The following SNAPC4 variants were observed in gnomAD, a reference collection of about 807,000 sequenced individuals.
SNAPC4 encodes the protein small nuclear RNA activating complex polypeptide 4.
In SNAPC4, 127 loss-of-function variants were observed where a neutral mutation model predicts 151.3. The observed-to-expected ratio is 0.84, with a 90% CI of 0.73 to 0.97. The LOEUF is 0.97. SNAPC4 is among the 50% of genes least tolerant of loss of function. SNAPC4 has a pLI of 0.00. For missense variants in SNAPC4, 2,186 were observed against 1,935.0 expected, an observed-to-expected ratio of 1.13 and a Z score of -2.43; for synonymous variants, 1,002 against 824.4, an observed-to-expected ratio of 1.22 and a Z score of -3.69.
intron 20 of SNAPC4, 48 bp from the exon 21 acceptor site, chr9:136,379,912 G>A (rs756496217): frequency 1.4e-4 from 228 of 1,578,192 alleles, no homozygotes; most frequent in Non-Finnish European, 1.9e-4. Context: ...TCCTCTGCTG[G>A]CTTGGACCAC....
intron 3 of SNAPC4, 75 bp downstream of exon 3, chr9:136,396,902 G>GC: frequency 3.4e-6 from 4 of 1,164,614 alleles, no homozygotes; most frequent in Middle Eastern, 1.9e-4. Context: ...TTCAAACCAC[G>GC]CCCCCTCCCA....
Position 136,391,998 on chromosome 9 carries a change from C to T in SNAPC4, c.919G>A (p.Ala307Thr), listed in dbSNP as rs1404525580. 3 of 1,610,078 alleles carry T rather than the reference C, an allele frequency of 1.9e-6. No homozygotes were observed. The highest frequency in any genetic ancestry group is 2.2e-5 in the East Asian group (1 of 44,860). ...WSREEEERLQ[A>T]IAAAHGHLEW... Reference sequence around the variant, plus strand: ...AGGTGGCCGTGTGCAGCCGCGATCGCCTGCAGCCGCTCCTCCTCCTCCCTG... The same window carrying T: ...AGGTGGCCGTGTGCAGCCGCGATCGTCTGCAGCCGCTCCTCCTCCTCCCTG... The change falls in exon 10 of 24, where the codon GCG becomes ACG. Residue 307 changes from alanine (A) to threonine (T), a missense_variant. Transcript: ENST00000684778.
At position 136,378,243 on chromosome 9, in the gene SNAPC4, G is replaced by A. The variant is rs757366869; in HGVS notation, c.3584C>T (p.Pro1195Leu). 6 of 1,609,880 alleles carry A rather than the reference G, an allele frequency of 3.7e-6. No individual in the cohort carries two copies. The highest frequency in any genetic ancestry group is 1.3e-5 in the African/African-American group (1 of 75,018). Residue 1195 changes from proline (P) to leucine (L), a missense_variant, in exon 22 of 24, where the codon CCT becomes CTT. Pro to Leu is a moderately conservative substitution (Grantham distance 98). Coordinates refer to ENST00000684778, the MANE Select transcript of SNAPC4 (RefSeq NM_003086.4). ...GGACCAAGGGGGTTCTGCTTCAGGA[G>A]GGTCAGCGTGGGAGGACGTCCTGGG... is the stretch of plus-strand genomic sequence containing the variant. ...PEPRTSSHADPPEAEPPWSGR... is the reference protein window; with the variant it reads ...PEPRTSSHADLPEAEPPWSGR...
At chr9:136,388,314 T>C (rs1833958783) in intron 11 of SNAPC4, 130 bp downstream of exon 11, 1 of 850,926 alleles carries the variant, frequency 1.2e-6, no homozygotes, top group Non-Finnish European at 1.7e-6. Context: ...AAGCGAACTG[T>C]GGAACAGCCA....
intron 20 of SNAPC4, 130 bp downstream of exon 20, chr9:136,380,610 G>A: frequency 3.2e-6 from 2 of 616,534 alleles, no homozygotes; most frequent in East Asian, 5.5e-5. Context: ...CCCTCAGGTG[G>A]GAAGTGCAGA....
intron 7 of SNAPC4, among the ~76,000 whole-genome samples, chr9:136,393,621 T>C (rs1325603978): frequency 2.6e-5 from 4 of 151,984 alleles, no homozygotes; most frequent in East Asian, 1.9e-4. Flanking sequence ...ACCACACCCC[T>C]CATCATGGCC....
chr9:136,383,884 T>C lies in SNAPC4; in HGVS notation c.1500+69A>G. The C allele has an allele frequency of 1.8e-6, 2 of 1,101,288 alleles. No homozygotes were observed. The highest frequency in any genetic ancestry group is 1.7e-5 in the Admixed American group (1 of 57,892). 68.2% of individuals were successfully genotyped at this position (1,101,288 alleles called of 1,614,324 possible). A position where few individuals can be genotyped will look rare whatever the true frequency, so the allele number is the denominator to read the frequency against. The stretch of plus-strand genomic sequence containing the variant: ...ACGCCCCCCTCCCCTCCCCTCCTCC[T>C]GCCTGCTGGACCCCCCAGTTGACCA... On this transcript the variant is annotated intron_variant, in intron 15 of 23. Coordinates refer to ENST00000684778, the MANE Select transcript of SNAPC4 (RefSeq NM_003086.4). This position sits in a 1 kb window ranked among gnomAD's most constrained non-coding sequence, Gnocchi z 4.2.
chr9:136,398,004 G>A (rs1309777898), intron 2 of SNAPC4, among the ~76,000 whole-genome samples: 2 of 152,108 alleles, frequency 1.3e-5, no homozygotes, highest in Non-Finnish European at 2.9e-5. Context: ...TCTCTGGCTG[G>A]AGTACAGAAA....
chr9:136,382,176 T>G, intron 17 of SNAPC4, 77 bp downstream of exon 17: 1 of 1,589,922 alleles, frequency 6.3e-7, no homozygotes, highest in Non-Finnish European at 8.6e-7. Context: ...CAGGGCATGA[T>G]CGACGGGGAG....
At position 136,392,788 on chromosome 9, in the gene SNAPC4, G is replaced by A. The variant is rs984325422; in HGVS notation, c.633-11C>T. ...TGCAAGTACTCGAGCCTGCAAAGCA[G>A]AGCAGAGGCAGAAGGGCTGGGGCAC... On this transcript the variant is annotated splice_polypyrimidine_tract_variant and intron_variant, in intron 7 of 23. Transcript: ENST00000684778. 1 of 1,612,184 alleles carries A rather than the reference G, an allele frequency of 6.2e-7. No individual in the cohort carries two copies. The highest frequency in any genetic ancestry group is 8.5e-7 in the Non-Finnish European group (1 of 1,179,086).
intron 21 of SNAPC4, 151 bp downstream of exon 21, chr9:136,379,686 C>G: frequency 1.3e-6 from 1 of 773,454 alleles, no homozygotes; most frequent in Non-Finnish European, 2.2e-6. Context: ...GGACTCTCAT[C>G]CCTGTGGTGG....
intron 2 of SNAPC4, 68 bp downstream of exon 2, chr9:136,398,231 A>G (rs1834340934): frequency 4.6e-6 from 7 of 1,522,766 alleles, no homozygotes; most frequent in Non-Finnish European, 6.2e-6. Context: ...AATGTGCCTG[A>G]GAGGAACCCA....
Position 136,380,831 on chromosome 9 carries a change from G to A in SNAPC4, c.2408C>T (p.Ala803Val). The A allele has an allele frequency of 6.2e-7, 1 of 1,608,792 alleles. No individual in the cohort carries two copies. The highest frequency in any genetic ancestry group is 8.5e-7 in the Non-Finnish European group (1 of 1,176,190). Reference sequence around the variant, plus strand: ...CTCTCGGACGACCTCCAAGCAGCCGGCAGTATCGATGTGGAACAGCTGCGG... The same window carrying A: ...CTCTCGGACGACCTCCAAGCAGCCGACAGTATCGATGTGGAACAGCTGCGG... ...LFTQLFHIDT[A>V]GCLEVVRERK... Residue 803 changes from alanine (A) to valine (V), a missense_variant, in exon 20 of 24, where the codon GCC (alanine) becomes GTC (valine). Ala to Val is a moderately conservative substitution (Grantham distance 64). Coordinates refer to ENST00000684778, the MANE Select transcript of SNAPC4 (RefSeq NM_003086.4).
At chr9:136,388,300 C>T in intron 11 of SNAPC4, 144 bp downstream of exon 11, 2 of 744,582 alleles carry the variant, frequency 2.7e-6, no homozygotes, top group Non-Finnish European at 4.1e-6. Flanking sequence ...CTTGAGTCAC[C>T]AAGAAGCGAA....
At chr9:136,377,074 G>A (rs1001539931) in intron 22 of SNAPC4, among the ~76,000 whole-genome samples, 1 of 152,212 alleles carries the variant, frequency 6.6e-6, no homozygotes, top group African/African-American at 2.4e-5. Flanking sequence ...TACAGAGATT[G>A]GAAAACTCTC....
intron 4 of SNAPC4, 23 bp downstream of exon 4, chr9:136,395,580 C>A (rs764177934): frequency 3.8e-6 from 6 of 1,571,418 alleles, no homozygotes; most frequent in Non-Finnish European, 4.3e-6. Context: ...GTGTGGGCAC[C>A]GGGGGGCCGA....
chr9:136,390,714 C>T (rs1219223530), intron 10 of SNAPC4, among the ~76,000 whole-genome samples: 1 of 151,358 alleles, frequency 6.6e-6, no homozygotes, highest in African/African-American at 2.4e-5. Flanking sequence ...CAGCCCTGAA[C>T]TCAAAAAATA....
intron 7 of SNAPC4, 65 bp from the exon 8 acceptor site, chr9:136,392,842 G>T: frequency 7.7e-7 from 1 of 1,293,726 alleles, no homozygotes; most frequent in Non-Finnish European, 1.1e-6. Flanking sequence ...CAGGTTCTCT[G>T]CACATTACAG....
In SNAPC4 at chr9:136,394,880, T is replaced by G. The variant is rs770748180; in HGVS notation, c.472-2A>C. On this transcript the variant is annotated splice_acceptor_variant, in intron 5 of 23. Transcript: ENST00000684778. LOFTEE classifies it high-confidence loss of function. The stretch of plus-strand genomic sequence containing the variant: ...TGTGTCCTCGTTGGCAGGTGGCCCC[T>G]GTCAGGGTGCACGGCATCACCACAA... 6.2e-7 allele frequency: 1 copy of G among 1,613,290 alleles called. No individual in the cohort carries two copies. The highest frequency in any genetic ancestry group is 8.5e-7 in the Non-Finnish European group (1 of 1,179,612).
Sources: gnomAD v4.1 joint callset for allele counts (sites outside exome capture counted in the v4.1 genomes callset) on GRCh38, gnomAD v4.1.1 for gene constraint, Gnocchi (gnomAD v3.1) non-coding constraint, MANE v1.5 for transcripts, NCBI Gene and HGNC (gene_info 2026-07-23, HGNC 2026-07-21) for gene names.